MYRIP: variants seen among roughly 807,000 people sequenced by gnomAD.
The protein encoded by MYRIP is rab effector MyRIP.
Under a neutral mutation model 98.0 loss-of-function variants are expected in MYRIP, and 49 were observed. That is an observed-to-expected ratio of 0.50 (90% CI 0.40 to 0.63). The LOEUF is 0.63. Among genes scored for constraint, MYRIP ranks in the 30% least tolerant of loss-of-function variants. The pLI, the probability that MYRIP is intolerant of heterozygous loss-of-function variation, is 0.00. For synonymous variants in MYRIP, 404 were observed against 409.5 expected (o/e 0.99, Z 0.16); for missense variants, 1,004 against 1,058.2 (o/e 0.95, Z 0.71).
chr3:39,997,915 C>G (rs1238578338), intron 2 of MYRIP, among the ~76,000 whole-genome samples: 1 of 152,090 alleles, frequency 6.6e-6, no homozygotes, highest in Non-Finnish European at 1.5e-5. Context: ...AGCACATAAA[C>G]AGAATCAATG....
intron 1 of MYRIP, among the ~76,000 whole-genome samples, chr3:39,887,248 A>T (rs1943333352): frequency 6.6e-6 from 1 of 152,118 alleles, no homozygotes; most frequent in East Asian, 1.9e-4. Context: ...GAAAGATCCA[A>T]AATTGACACC....
At chr3:39,820,889 G>T (rs370032939) in intron 1 of MYRIP, among the ~76,000 whole-genome samples, 5 of 151,978 alleles carry the variant, frequency 3.3e-5, no homozygotes, top group African/African-American at 7.3e-5. Flanking sequence ...CCTTTTGCAG[G>T]TTCCAAGTAC....
intron 10 of MYRIP, among the ~76,000 whole-genome samples, chr3:40,196,305 TC>T (rs1951393078): frequency 6.6e-6 from 1 of 152,178 alleles, no homozygotes; most frequent in Non-Finnish European, 1.5e-5. Flanking sequence ...TACATGTTTT[TC>T]TATATATTCT....
chr3:39,900,837 G>C lies in MYRIP; in HGVS notation c.21G>C (p.Leu7=), dbSNP rs369961021. Residue 7 remains leucine (L), a synonymous_variant, in exon 2 of 17, where the codon CTG becomes CTC. Transcript: ENST00000302541. The part of the protein sequence containing the change: MGRKLD[L]SGLTDDETEH... Reference sequence around the variant, plus strand: ...TAACCATGGGGAGGAAGCTGGACCTGTCTGGTTTGACTGATGATGAAACAG... The same window carrying C: ...TAACCATGGGGAGGAAGCTGGACCTCTCTGGTTTGACTGATGATGAAACAG... 3 of 1,613,872 alleles carry C rather than the reference G, an allele frequency of 1.9e-6. No individual in the cohort carries two copies. In the Admixed American group the frequency reaches 5.0e-5, roughly 27 times the overall value.
At position 39,949,416 on chromosome 3, in the gene MYRIP, T is replaced by C. The variant is rs80337939; in HGVS notation, c.110+48490T>C. Reference sequence around the variant, plus strand: ...GTAACTTTAAACATAATACACTCAATGTTGAATCACCTCAATTTTTTCATC... The same window carrying C: ...GTAACTTTAAACATAATACACTCAACGTTGAATCACCTCAATTTTTTCATC... On this transcript the variant is annotated intron_variant, in intron 2 of 16. Transcript: ENST00000302541. Among the ~76,000 whole-genome samples the C allele has an allele frequency of 3.3e-5, 5 of 152,270 alleles. No homozygotes were observed. The South Asian group carries it at 8.3e-4, about 25-fold the overall frequency.
At chr3:39,873,234 AT>A (rs1381322684) in intron 1 of MYRIP, among the ~76,000 whole-genome samples, 2 of 152,082 alleles carry the variant, frequency 1.3e-5, no homozygotes, top group African/African-American at 4.8e-5. Context: ...GATTCTGGAT[AT>A]TAGCCCTTTG....
At chr3:40,026,632 G>A (rs1947136287) in intron 2 of MYRIP, among the ~76,000 whole-genome samples, 1 of 152,024 alleles carries the variant, frequency 6.6e-6, no homozygotes, top group South Asian at 2.1e-4. Context: ...CTCCATTCAG[G>A]GTCCCCAACT....
chr3:40,202,375 T>C (rs939361794), intron 10 of MYRIP, among the ~76,000 whole-genome samples: 1 of 152,128 alleles, frequency 6.6e-6, no homozygotes, highest in African/African-American at 2.4e-5. Context: ...AGGAAGATGA[T>C]GAGGCTAAAT....
intron 2 of MYRIP, among the ~76,000 whole-genome samples, chr3:40,022,802 A>G (rs1237013649): frequency 6.6e-6 from 1 of 152,192 alleles, no homozygotes; most frequent in Non-Finnish European, 1.5e-5. Flanking sequence ...GGATCTTTGG[A>G]TAGAAGTTAT....
intron 1 of MYRIP, among the ~76,000 whole-genome samples, chr3:39,873,985 T>G: frequency 1.3e-5 from 2 of 151,074 alleles, no homozygotes; most frequent in African/African-American, 4.9e-5. Context: ...GGAATGTTCT[T>G]CCATTTGTTT....
At chr3:40,034,482 T>C (rs1947332978) in intron 2 of MYRIP, among the ~76,000 whole-genome samples, 1 of 151,944 alleles carries the variant, frequency 6.6e-6, no homozygotes, top group African/African-American at 2.4e-5. Context: ...ATGCTCATCA[T>C]CACTGGCCAT....
intron 2 of MYRIP, among the ~76,000 whole-genome samples, chr3:40,002,732 A>G (rs1946546758): frequency 6.6e-6 from 1 of 152,102 alleles, no homozygotes; most frequent in East Asian, 1.9e-4. Flanking sequence ...ACAGACACAT[A>G]CATGCTATTA....
chr3:40,088,196 G>C (rs932821679), intron 3 of MYRIP, among the ~76,000 whole-genome samples: 1 of 152,066 alleles, frequency 6.6e-6, no homozygotes, highest in Admixed American at 6.6e-5. Context: ...AGGAGGGGAG[G>C]GGGGACAGAT....
Position 40,210,099 on chromosome 3 carries a change from G to A in MYRIP, c.1905+6G>A, listed in dbSNP as rs376356567. On this transcript the variant is annotated splice_donor_region_variant and intron_variant, in intron 11 of 16. Transcript: ENST00000302541. ...TCCAGGAAGAGCTGAAGAAGGTAAG[G>A]GCTGTGAAGCCACCTGCAGACAGCT... 6.8e-6 allele frequency: 11 copies of A among 1,612,924 alleles called. No individual in the cohort carries two copies. The highest frequency in any genetic ancestry group is 9.3e-6 in the Non-Finnish European group (11 of 1,179,620).
rs1318893217 is a variant in MYRIP at position 40,258,129 on chromosome 3, C to T, written c.2548-5C>T. The T allele has an allele frequency of 6.2e-7, 1 of 1,614,208 alleles. No individual in the cohort carries two copies. Among genetic ancestry groups the T allele is most frequent in the South Asian group, 1.1e-5 (1 of 91,084 alleles). On this transcript the variant is annotated splice_polypyrimidine_tract_variant and splice_region_variant and intron_variant, in intron 16 of 16. Coordinates refer to ENST00000302541, the MANE Select transcript of MYRIP (RefSeq NM_015460.4). The stretch of plus-strand genomic sequence containing the variant: ...GATGGGAGTGTGTTCAATGTCTCAC[C>T]TCAGGAGCCTGCTCTGGAGTCAGCT...
At chr3:39,928,746 GA>G (rs1944473267) in intron 2 of MYRIP, among the ~76,000 whole-genome samples, 1 of 151,900 alleles carries the variant, frequency 6.6e-6, no homozygotes, top group Admixed American at 6.6e-5. Flanking sequence ...GTGGAGGACT[GA>G]ATGCTTCCCC....
chr3:39,946,667 T>C (rs1350253359), intron 2 of MYRIP, among the ~76,000 whole-genome samples: 1 of 152,144 alleles, frequency 6.6e-6, no homozygotes, highest in Non-Finnish European at 1.5e-5. Flanking sequence ...AACAACCTGA[T>C]GAAGCTTGGA....
At position 39,886,284 on chromosome 3, in the gene MYRIP, C is replaced by T. The variant is rs973006627; in HGVS notation, c.-30-14503C>T. Among the ~76,000 whole-genome samples, 16 of 151,308 alleles carry T rather than the reference C, an allele frequency of 1.1e-4. 1 individual carries two copies. The highest frequency in any genetic ancestry group is 3.4e-4 in the African/African-American group (14 of 41,250). ...ACTAGGAAGAAACTGCATCAACTAA[C>T]GAGCAAACTAACCAGCTAACATCAT... On this transcript the variant is annotated intron_variant, in intron 1 of 16. Coordinates refer to ENST00000302541, the MANE Select transcript of MYRIP (RefSeq NM_015460.4).
At chr3:40,155,514 G>T (rs975410703) in intron 4 of MYRIP, among the ~76,000 whole-genome samples, 1 of 152,138 alleles carries the variant, frequency 6.6e-6, no homozygotes, top group East Asian at 1.9e-4. Flanking sequence ...CCCAGTAATG[G>T]GATGGCTGGG....
Sources: allele counts gnomAD v4.1 joint callset (sites outside exome capture counted in the v4.1 genomes callset), GRCh38; gene constraint gnomAD v4.1.1; transcripts MANE v1.5; gene names NCBI Gene and HGNC (gene_info 2026-07-23, HGNC 2026-07-21).